Variants in TNRC6B observed in about 807,000 individuals in gnomAD.
TNRC6B encodes the protein trinucleotide repeat-containing gene 6B protein.
In TNRC6B, 52 loss-of-function variants were observed where a neutral mutation model predicts 203.6. The observed-to-expected ratio is 0.26, with a 90% CI of 0.20 to 0.32. The LOEUF is 0.32. Among genes scored for constraint, TNRC6B ranks in the 10% least tolerant of loss-of-function variants. The pLI, the probability that TNRC6B is intolerant of heterozygous loss-of-function variation, is 1.00. For missense variants in TNRC6B, 1,923 were observed against 2,286.2 expected (o/e 0.84, Z 3.24); for synonymous variants, 838 against 845.7 (o/e 0.99, Z 0.16).
In TNRC6B at chr22:40,278,113, CA is replaced by C. The variant is rs1477204573; in HGVS notation, c.3262+71del. 15 of 1,240,584 alleles carry C rather than the reference CA, an allele frequency of 1.2e-5. No individual in the cohort carries two copies. In the African/African-American group the frequency reaches 2.2e-4, roughly 18 times the overall value. The allele number at this position is 1,240,584 out of a possible 1,614,324, so 76.8% of individuals were successfully genotyped here. ...CAGTGTCCTTTTGGCATCTCCTGCCCAATTTGATTAGGGATAGGTGCAGTTC... is the reference window on the plus strand; with the variant it reads ...CAGTGTCCTTTTGGCATCTCCTGCCCATTTGATTAGGGATAGGTGCAGTTC... On this transcript the variant is annotated intron_variant, in intron 9 of 22. Coordinates refer to ENST00000454349, the MANE Select transcript of TNRC6B (RefSeq NM_001162501.2).
chr22:40,314,352 A>T (rs1442692608), intron 19 of TNRC6B, among the ~76,000 whole-genome samples: 1 of 152,170 alleles, frequency 6.6e-6, no homozygotes, highest in Non-Finnish European at 1.5e-5. Context: ...CTGCAATCAT[A>T]TTTCAAATAT....
chr22:40,106,267 C>A, intron 1 of TNRC6B: 1 of 248,076 alleles, frequency 4.0e-6, no homozygotes, highest in Non-Finnish European at 7.4e-6. Flanking sequence ...AATTTGAGAG[C>A]AGGTACTGTT....
Position 40,273,602 on chromosome 22 carries a change from T to C in TNRC6B, c.3141+2T>C, listed in dbSNP as rs1463102902. 1 of 1,566,212 alleles carries C rather than the reference T, an allele frequency of 6.4e-7. No homozygotes were observed. Among genetic ancestry groups the C allele is most frequent in the Non-Finnish European group, 8.7e-7 (1 of 1,155,932 alleles). On this transcript the variant is annotated splice_donor_variant, in intron 7 of 22. Transcript: ENST00000454349. LOFTEE classifies it high-confidence loss of function. ...CAAGGAGGAAAGAAACAAATGAAGGTAGCCTGCTTAGAAATGTTCGCACTT... is the reference window on the plus strand; with the variant it reads ...CAAGGAGGAAAGAAACAAATGAAGGCAGCCTGCTTAGAAATGTTCGCACTT...
chr22:40,154,730 G>C (rs1460244374), intron 3 of TNRC6B, among the ~76,000 whole-genome samples: 2 of 144,886 alleles, frequency 1.4e-5, no homozygotes, highest in Non-Finnish European at 3.0e-5. Context: ...AGTCCCAGCT[G>C]CTGGGGAAGC....
intron 1 of TNRC6B, among the ~76,000 whole-genome samples, chr22:40,080,113 T>G (rs2068052903): frequency 6.7e-6 from 1 of 148,466 alleles, no homozygotes; most frequent in South Asian, 2.2e-4. Flanking sequence ...TTTTTTTTTT[T>G]GTGTAGAGAC....
intron 1 of TNRC6B, among the ~76,000 whole-genome samples, chr22:40,224,215 G>A (rs1416249668): frequency 6.6e-6 from 1 of 152,118 alleles, no homozygotes; most frequent in African/African-American, 2.4e-5. Context: ...ATGTTGGCCA[G>A]GCTGGTCTCG....
At chr22:40,212,838 C>T (rs555863850) in intron 1 of TNRC6B, among the ~76,000 whole-genome samples, 28 of 152,072 alleles carry the variant, frequency 1.8e-4, no homozygotes, top group Middle Eastern at 3.4e-3. Flanking sequence ...TTAGTAGAGA[C>T]GGAGTTTCAC....
intron 12 of TNRC6B, among the ~76,000 whole-genome samples, chr22:40,295,929 G>T (rs902129519): frequency 6.6e-6 from 1 of 152,150 alleles, no homozygotes; most frequent in African/African-American, 2.4e-5. Context: ...AGCAGAGAAA[G>T]AATTTGTGAA....
At chr22:40,209,413 A>G (rs1421127707) in intron 1 of TNRC6B, among the ~76,000 whole-genome samples, 3 of 152,208 alleles carry the variant, frequency 2.0e-5, no homozygotes, top group Non-Finnish European at 4.4e-5. Flanking sequence ...CCATAAGAAC[A>G]TGGGCTTGGA....
intron 1 of TNRC6B, among the ~76,000 whole-genome samples, chr22:40,210,991 C>G (rs561674365): frequency 5.3e-5 from 8 of 152,302 alleles, no homozygotes; most frequent in African/African-American, 1.7e-4. Context: ...TCCTGAAGGG[C>G]AGAATCATCC....
Position 40,323,433 on chromosome 22 carries a change from T to C in TNRC6B, c.*192T>C. 1.6e-6 allele frequency: 1 copy of C among 622,876 alleles called. No individual in the cohort carries two copies. The highest frequency in any genetic ancestry group is 2.6e-6 in the Non-Finnish European group (1 of 388,080). The allele number at this position is 622,876 out of a possible 1,614,324, so 38.6% of individuals were successfully genotyped here. On this transcript the variant is annotated 3_prime_UTR_variant, in exon 23 of 23. Coordinates refer to ENST00000454349, the MANE Select transcript of TNRC6B (RefSeq NM_001162501.2). The stretch of plus-strand genomic sequence containing the variant: ...TTGCCTCCCTTATAACTTCAGTTTT[T>C]TCGTTTGGAATATGAATCCAAAAAG...
At chr22:40,253,226 C>T (rs2070220189) in intron 3 of TNRC6B, among the ~76,000 whole-genome samples, 1 of 150,994 alleles carries the variant, frequency 6.6e-6, no homozygotes, top group Non-Finnish European at 1.5e-5. Flanking sequence ...GGACTACAGG[C>T]ACCCGCCACC....
intron 1 of TNRC6B, among the ~76,000 whole-genome samples, chr22:40,106,000 C>T (rs1435048259): frequency 2.6e-5 from 4 of 152,196 alleles, no homozygotes; most frequent in Non-Finnish European, 5.9e-5. Flanking sequence ...TTATGATTTT[C>T]TTTTGCATCA....
Position 40,203,994 on chromosome 22 carries a change from TC to T in TNRC6B, c.5+25856del, listed in dbSNP as rs755786901. ...TCTCCCCACCCAAATAGCATCACCT[TC>T]CTCAGCCCTCTACTTTTCATCCCTA... On this transcript the variant is annotated intron_variant, in intron 1 of 22. Transcript: ENST00000454349. Among the ~76,000 whole-genome samples, 20 of 152,334 alleles carry T rather than the reference TC, an allele frequency of 1.3e-4. No homozygotes were observed. The East Asian group carries it at 2.1e-3, about 16-fold the overall frequency.
At chr22:40,135,656 T>C (rs1374154752) in intron 3 of TNRC6B, among the ~76,000 whole-genome samples, 1 of 152,104 alleles carries the variant, frequency 6.6e-6, no homozygotes, top group Non-Finnish European at 1.5e-5. Flanking sequence ...TGTGCCACCA[T>C]GCCTGGCTAG....
chr22:40,264,086 G>A (rs1034627870), intron 4 of TNRC6B, among the ~76,000 whole-genome samples: 1 of 152,202 alleles, frequency 6.6e-6, no homozygotes, highest in Non-Finnish European at 1.5e-5. Context: ...TGTGAATTCA[G>A]CAGGAAAACA....
chr22:40,140,822 G>A (rs1351159564), intron 3 of TNRC6B, among the ~76,000 whole-genome samples: 2 of 152,034 alleles, frequency 1.3e-5, no homozygotes, highest in African/African-American at 4.8e-5. Flanking sequence ...TGTATTTTTA[G>A]TAGAGATGGG....
intron 16 of TNRC6B, among the ~76,000 whole-genome samples, chr22:40,309,555 A>T (rs1162314544): frequency 1.3e-5 from 2 of 152,170 alleles, no homozygotes; most frequent in African/African-American, 2.4e-5. Context: ...GAAATTGTAA[A>T]ATCTGTTTGT....
At chr22:40,314,676 T>G (rs1355358498) in intron 19 of TNRC6B, among the ~76,000 whole-genome samples, 1 of 152,242 alleles carries the variant, frequency 6.6e-6, no homozygotes, top group African/African-American at 2.4e-5. Flanking sequence ...GGGTCACCAC[T>G]TCTGTTGCTC....
Sources: gnomAD v4.1 joint callset for allele counts (sites outside exome capture counted in the v4.1 genomes callset) on GRCh38, gnomAD v4.1.1 for gene constraint, MANE v1.5 for transcripts, NCBI Gene and HGNC (gene_info 2026-07-23, HGNC 2026-07-21) for gene names.